AK1: variants seen among roughly 807,000 people sequenced by gnomAD.
AK1 encodes adenylate kinase 1.
AK1 carries 13 observed loss-of-function variants against 23.9 expected under a neutral mutation model. That is an observed-to-expected ratio of 0.54 (90% CI 0.35 to 0.86). AK1 has a LOEUF of 0.86. AK1 is among the 40% of genes least tolerant of loss of function. The pLI is 0.01. For synonymous variants in AK1, 97 were observed against 102.8 expected (o/e 0.94, Z 0.34); for missense variants, 214 against 255.1 (o/e 0.84, Z 1.10).
At chr9:127,875,365 C>T (rs982252040) in intron 1 of AK1, among the ~76,000 whole-genome samples, 2 of 151,634 alleles carry the variant, frequency 1.3e-5, no homozygotes, top group Non-Finnish European at 2.9e-5. Flanking sequence ...CGACCCCACC[C>T]TGTGCTGCCA....
intron 4 of AK1, 60 bp downstream of exon 4, chr9:127,872,630 G>A: frequency 3.1e-6 from 5 of 1,606,652 alleles, no homozygotes; most frequent in Non-Finnish European, 2.5e-6. Context: ...TGCTGCTGGT[G>A]GGACACCCAC....
At chr9:127,876,659 C>T (rs1829544108) in intron 1 of AK1, among the ~76,000 whole-genome samples, 1 of 150,394 alleles carries the variant, frequency 6.6e-6, no homozygotes, top group Non-Finnish European at 1.5e-5. Context: ...TCGACCCCGC[C>T]CTGCCCCGCC....
rs1475985438 is a variant in AK1 at position 127,868,527 on chromosome 9, C to T, written c.325-15G>A. The T allele has an allele frequency of 6.4e-7, 1 of 1,566,228 alleles. No homozygotes were observed. The highest frequency in any genetic ancestry group is 1.4e-5 in the African/African-American group (1 of 73,774). On this transcript the variant is annotated splice_polypyrimidine_tract_variant and intron_variant, in intron 5 of 6. Transcript: ENST00000644144. This position sits in a 1 kb window ranked among gnomAD's most constrained non-coding sequence, Gnocchi z 4.1. ...GGCTGTCCAATCTGCAGGCGGGCAC[C>T]ATGTCACAGGGACCCCATTCCTGCC...
Position 127,871,478 on chromosome 9 carries a change from C to T in AK1, c.324+345G>A, listed in dbSNP as rs1235754042. On this transcript the variant is annotated intron_variant, in intron 5 of 6. Coordinates refer to ENST00000644144, the MANE Select transcript of AK1 (RefSeq NM_000476.3). This position sits in a 1 kb window ranked among gnomAD's most constrained non-coding sequence, Gnocchi z 4.4. ...GGAAGGGCACATCCTCTCCAGTCCC[C>T]ACACTGTCCCTTAAGGCAGCTGTGA... Among the ~76,000 whole-genome samples, 2 of 151,512 alleles carry T rather than the reference C, an allele frequency of 1.3e-5. No individual in the cohort carries two copies. Among genetic ancestry groups the T allele is most frequent in the African/African-American group, 2.5e-5 (1 of 40,810 alleles).
rs1829404667 is a variant in AK1 at position 127,871,363 on chromosome 9, C to G, written c.324+460G>C. Among the ~76,000 whole-genome samples, 1 of 151,494 alleles carries G rather than the reference C, an allele frequency of 6.6e-6. No individual in the cohort carries two copies. The highest frequency in any genetic ancestry group is 1.5e-5 in the Non-Finnish European group (1 of 68,010). On this transcript the variant is annotated intron_variant, in intron 5 of 6. Coordinates refer to ENST00000644144, the MANE Select transcript of AK1 (RefSeq NM_000476.3). The surrounding 1 kb of genome is among the most constrained non-coding windows in gnomAD (Gnocchi z 4.4). ...TCCCTTGTTGTCCTGCCCACATATTCTGTTCTCCCCACACTGGCCTTGCCT... is the reference window on the plus strand; with the variant it reads ...TCCCTTGTTGTCCTGCCCACATATTGTGTTCTCCCCACACTGGCCTTGCCT...
intron 2 of AK1, chr9:127,873,377 A>C (rs747527824): frequency 2.1e-4 from 338 of 1,573,608 alleles, no homozygotes; most frequent in Non-Finnish European, 2.8e-4. Context: ...GGGTGCCTGG[A>C]CCCCGGGGCC....
At position 127,873,792 on chromosome 9, in the gene AK1, C is replaced by T. The variant is rs2131407577; in HGVS notation, c.8-731G>A. 3 of 985,458 alleles carry T rather than the reference C, an allele frequency of 3.0e-6. No individual in the cohort carries two copies. In the South Asian group the frequency reaches 1.4e-4, roughly 46 times the overall value. 61.0% of individuals were successfully genotyped at this position (985,458 alleles called of 1,614,324 possible). A position where few individuals can be genotyped will look rare whatever the true frequency, so the allele number is the denominator to read the frequency against. On this transcript the variant is annotated intron_variant, in intron 2 of 6. Coordinates refer to ENST00000644144, the MANE Select transcript of AK1 (RefSeq NM_000476.3). ...AGCTCCCCACTGGGCTTTCAGGCTC[C>T]CCCGCTTCCCAGGGAAATAGAGGAC... is the stretch of plus-strand genomic sequence containing the variant.
rs1588612735 is a variant in AK1, at chr9:127,868,840, CG to C, written c.325-329del. Among the ~76,000 whole-genome samples the C allele has an allele frequency of 6.6e-6, 1 of 152,156 alleles. No homozygotes were observed. The highest frequency in any genetic ancestry group is 2.1e-4 in the South Asian group (1 of 4,832). Reference sequence around the variant, plus strand: ...TCCCTCTGCTAGGAGCCCTCTCCCCCGAGCCTGATCCTAACTCGCCTTCACC... The same window carrying C: ...TCCCTCTGCTAGGAGCCCTCTCCCCCAGCCTGATCCTAACTCGCCTTCACC... On this transcript the variant is annotated intron_variant, in intron 5 of 6. Transcript: ENST00000644144. The surrounding 1 kb of genome is among the most constrained non-coding windows in gnomAD (Gnocchi z 4.1).
Position 127,868,196 on chromosome 9 carries a change from C to G in AK1, c.517-120G>C, listed in dbSNP as rs1054757429. 3.4e-6 allele frequency: 5 copies of G among 1,451,798 alleles called. No individual in the cohort carries two copies. In the South Asian group the frequency reaches 5.9e-5, roughly 17 times the overall value. 89.9% of individuals were successfully genotyped at this position (1,451,798 alleles called of 1,614,324 possible). A position where few individuals can be genotyped will look rare whatever the true frequency, so the allele number is the denominator to read the frequency against. On this transcript the variant is annotated intron_variant, in intron 6 of 6. Coordinates refer to ENST00000644144, the MANE Select transcript of AK1 (RefSeq NM_000476.3). This position sits in a 1 kb window ranked among gnomAD's most constrained non-coding sequence, Gnocchi z 4.1. ...CCCAACCTAATTGACAGCAGCCCCT[C>G]ATTGAACCAGTGGGGAAACCAAGGC... is the stretch of plus-strand genomic sequence containing the variant.
Position 127,871,854 on chromosome 9 carries a change from T to A in AK1, c.293A>T (p.Glu98Val). Residue 98 changes from glutamate to valine, a missense_variant, in exon 5 of 7, where the codon GAG becomes GTG. Coordinates refer to ENST00000644144, the MANE Select transcript of AK1 (RefSeq NM_000476.3). This position sits in a 1 kb window ranked among gnomAD's most constrained non-coding sequence, Gnocchi z 4.4. ...CTCAAACTCTTCTCCTTGCTGCACC[T>A]CCCGCGGGTAGCCATCAATCAGGAA... ...KGFLIDGYPREVQQGEEFERR... is the reference protein window; with the variant it reads ...KGFLIDGYPRVVQQGEEFERR... The A allele has an allele frequency of 6.2e-7, 1 of 1,613,966 alleles. No individual in the cohort carries two copies. Among genetic ancestry groups the A allele is most frequent in the Non-Finnish European group, 8.5e-7 (1 of 1,179,978 alleles).
rs201516251 is a variant in AK1 at position 127,872,342 on chromosome 9, T to TG, written c.207+347dup. On this transcript the variant is annotated intron_variant, in intron 4 of 6. Coordinates refer to ENST00000644144, the MANE Select transcript of AK1 (RefSeq NM_000476.3). ...AAGTGGGGCTTCTGGAGTAGAAAATTGGGGGGGGAGGTCTTAGGCCAAATC... is the reference window on the plus strand; with the variant it reads ...AAGTGGGGCTTCTGGAGTAGAAAATTGGGGGGGGGAGGTCTTAGGCCAAATC... Among the ~76,000 whole-genome samples the TG allele has an allele frequency of 6.3e-3, 949 of 150,590 alleles. 8 individuals are homozygous for TG. The highest frequency in any genetic ancestry group is 0.019 in the African/African-American group (767 of 40,798).
At chr9:127,874,977 C>A (rs1829503811) in intron 1 of AK1, 3 of 351,248 alleles carry the variant, frequency 8.5e-6, no homozygotes, top group South Asian at 8.2e-5. Context: ...AGCGGCCACA[C>A]AACTGCAGAG....
rs1236126534 is a variant in AK1, at chr9:127,874,411, G to A, written c.7+200C>T. ...CCCTCAGGAGCCTTGGGGAGGCCTCGTCACGTCTAAAATTAATCTTGGAGC... is the reference window on the plus strand; with the variant it reads ...CCCTCAGGAGCCTTGGGGAGGCCTCATCACGTCTAAAATTAATCTTGGAGC... On this transcript the variant is annotated intron_variant, in intron 2 of 6. Coordinates refer to ENST00000644144, the MANE Select transcript of AK1 (RefSeq NM_000476.3). 6.1e-6 allele frequency: 6 copies of A among 985,238 alleles called. No individual in the cohort carries two copies. In the African/African-American group the frequency reaches 7.0e-5, roughly 11 times the overall value. The allele number at this position is 985,238 out of a possible 1,614,324, so 61.0% of individuals were successfully genotyped here.
chr9:127,868,276 G>A lies in AK1; in HGVS notation c.516+45C>T. On this transcript the variant is annotated intron_variant, in intron 6 of 6. Transcript: ENST00000644144. The surrounding 1 kb of genome is among the most constrained non-coding windows in gnomAD (Gnocchi z 4.1). Reference sequence around the variant, plus strand: ...CAGTGAGCTGAGGCGGAGCCACATAGGAACCCGTTCTTCCCGGAGCTGCCC... The same window carrying A: ...CAGTGAGCTGAGGCGGAGCCACATAAGAACCCGTTCTTCCCGGAGCTGCCC... 1.3e-6 allele frequency: 2 copies of A among 1,543,278 alleles called. No individual in the cohort carries two copies. Among genetic ancestry groups the A allele is most frequent in the South Asian group, 1.2e-5 (1 of 84,436 alleles).
Position 127,872,612 on chromosome 9 carries a change from G to A in AK1, c.207+78C>T, listed in dbSNP as rs560924633. ...TTACGGTCAGCTTTGCCTGTGTGCC[G>A]TGGGCTTTGCTGCTGGTGGGACACC... is the stretch of plus-strand genomic sequence containing the variant. On this transcript the variant is annotated intron_variant, in intron 4 of 6. Transcript: ENST00000644144. 1.0e-4 allele frequency: 160 copies of A among 1,589,044 alleles called. 5 individuals carry two copies. In the South Asian group the frequency reaches 1.6e-3, roughly 16 times the overall value.
rs980845445 is a variant in AK1 at position 127,874,454 on chromosome 9, G to A, written c.7+157C>T. 7.1e-6 allele frequency: 7 copies of A among 985,336 alleles called. No homozygotes were observed. In the African/African-American group the frequency reaches 8.7e-5, roughly 12 times the overall value. The allele number at this position is 985,336 out of a possible 1,614,324, so 61.0% of individuals were successfully genotyped here. On this transcript the variant is annotated intron_variant, in intron 2 of 6. Transcript: ENST00000644144. ...CTTGGAGCTGGCACATCCCGTGAGA[G>A]GCCAGAGGAGGATACTGGAGGCTCC...
intron 2 of AK1, chr9:127,874,182 C>T (rs1829486023): frequency 1.0e-6 from 1 of 985,348 alleles, no homozygotes; most frequent in Non-Finnish European, 1.2e-6. Flanking sequence ...GCCCGTGTCT[C>T]CCTCTAAGTC....
chr9:127,873,931 A>G, intron 2 of AK1: 1 of 985,400 alleles, frequency 1.0e-6, no homozygotes, highest in Non-Finnish European at 1.2e-6. Flanking sequence ...CCTCCCAGCC[A>G]TAAGGCTGGA....
At chr9:127,870,768 G>C (rs564196004) in intron 5 of AK1, among the ~76,000 whole-genome samples, 107 of 152,160 alleles carry the variant, frequency 7.0e-4, no homozygotes, top group African/African-American at 2.5e-3. Context: ...CCCAGATGAG[G>C]CTGGAAGCTA....
Sources: allele counts gnomAD v4.1 joint callset (sites outside exome capture counted in the v4.1 genomes callset), GRCh38; gene constraint gnomAD v4.1.1; non-coding constraint Gnocchi (gnomAD v3.1); transcripts MANE v1.5; gene names NCBI Gene and HGNC (gene_info 2026-07-23, HGNC 2026-07-21).